The following NUB1 variants were observed in gnomAD, a reference collection of about 807,000 sequenced individuals.
NUB1 encodes the protein NEDD8 ultimate buster 1.
NUB1 carries 41 observed loss-of-function variants against 77.1 expected under a neutral mutation model. That is an observed-to-expected ratio of 0.53 (90% confidence interval 0.41 to 0.69). The LOEUF (loss-of-function observed/expected upper bound fraction) is 0.69, where lower values mean the gene tolerates loss of function less well. Among genes scored for constraint, NUB1 ranks in the 30% least tolerant of loss-of-function variants. NUB1 has a pLI of 0.00. For synonymous variants in NUB1, 257 were observed against 281.0 expected (o/e 0.91, Z 0.85); for missense variants, 643 against 743.8 (o/e 0.86, Z 1.58).
rs1005342806 is a variant in NUB1, at chr7:151,351,342, G to A, written c.286-82G>A. 121 of 1,036,414 alleles carry A rather than the reference G, an allele frequency of 1.2e-4. 1 individual carries two copies. The highest frequency in any genetic ancestry group is 7.0e-4 in the Middle Eastern group (3 of 4,272). The allele number at this position is 1,036,414 out of a possible 1,614,324, so 64.2% of individuals were successfully genotyped here. On this transcript the variant is annotated intron_variant, in intron 3 of 14. Coordinates refer to ENST00000568733, the MANE Select transcript of NUB1 (RefSeq NM_001243351.2). ...GTGAACTCAGTTTATATCCTCTGCCGTCAGCTTTTCTGATTTCACAGGGTA... is the reference window on the plus strand; with the variant it reads ...GTGAACTCAGTTTATATCCTCTGCCATCAGCTTTTCTGATTTCACAGGGTA...
intron 13 of NUB1, chr7:151,376,312 A>T: frequency 2.1e-6 from 1 of 477,636 alleles, no homozygotes; most frequent in South Asian, 2.5e-5. Context: ...TTGTGCCCCT[A>T]CACGCGTTAG....
At chr7:151,344,180 CAAAAAAAAAAAAAA>C (rs561127147) in intron 1 of NUB1, among the ~76,000 whole-genome samples, 852 of 45,616 alleles carry the variant, frequency 0.019, 16 homozygotes, top group African/African-American at 0.049. Flanking sequence ...GACTCCCTCT[CAAAAAAAAAAAAAA>C]AAAAAAAAAA....
chr7:151,369,751 G>A (rs1797874242), intron 11 of NUB1, among the ~76,000 whole-genome samples: 2 of 152,132 alleles, frequency 1.3e-5, no homozygotes, highest in African/African-American at 4.8e-5. Context: ...TTATCTCACA[G>A]GTCCTTTCTA....
Position 151,367,951 on chromosome 7 carries a change from T to C in NUB1, c.1078T>C (p.Tyr360His), listed in dbSNP as rs762332598. The change falls in exon 10 of 15, where the codon TAT (tyrosine) becomes CAT (histidine). Residue 360 changes from tyrosine to histidine, a missense_variant. By Grantham distance (83) the Tyr-to-His change is moderately conservative. Transcript: ENST00000568733. ...NYHSGNDVEA[Y>H]EYLNKARQLF... ...TCACAGTGGAAATGATGTAGAGGCT[T>C]ATGAGTATCTTAACAAGGTAAGAAA... The C allele has an allele frequency of 1.1e-5, 18 of 1,579,924 alleles. No homozygotes were observed. The highest frequency in any genetic ancestry group is 1.8e-5 in the Admixed American group (1 of 55,652).
At chr7:151,345,568 C>A in intron 2 of NUB1, 102 bp downstream of exon 2, 1 of 654,290 alleles carries the variant, frequency 1.5e-6, no homozygotes, top group South Asian at 2.2e-5. Flanking sequence ...TTTGGCATAA[C>A]CAAAAGCATT....
chr7:151,344,954 C>T (rs866013061), intron 1 of NUB1, among the ~76,000 whole-genome samples: 10 of 152,136 alleles, frequency 6.6e-5, no homozygotes, highest in Non-Finnish European at 1.3e-4. Flanking sequence ...GAGCCGAGAT[C>T]GCACCACTGC....
chr7:151,366,478 A>G (rs75978730), intron 8 of NUB1, among the ~76,000 whole-genome samples: 2,346 of 151,768 alleles, frequency 0.015, 71 homozygotes, highest in African/African-American at 0.054. Context: ...CAACCCCCAG[A>G]AATTTCTGTT....
Position 151,356,978 on chromosome 7 carries a change from A to G in NUB1, c.693+756A>G, listed in dbSNP as rs149567868. On this transcript the variant is annotated intron_variant, in intron 7 of 14. Transcript: ENST00000568733. ...GTGATTTGCCCACCTTGGCCTCCCAAACTGCTGGGATTACAGGCGTGAGCC... is the reference window on the plus strand; with the variant it reads ...GTGATTTGCCCACCTTGGCCTCCCAGACTGCTGGGATTACAGGCGTGAGCC... Among the ~76,000 whole-genome samples, 23 of 152,104 alleles carry G rather than the reference A, an allele frequency of 1.5e-4. No individual in the cohort carries two copies. In the East Asian group the frequency reaches 3.5e-3, roughly 23 times the overall value.
chr7:151,341,993 G>A, intron 1 of NUB1, 147 bp downstream of exon 1: 1 of 1,246,542 alleles, frequency 8.0e-7, no homozygotes, highest in Non-Finnish European at 1.0e-6. Context: ...GAGCTGGGCC[G>A]GGGCCGGGGC....
intron 7 of NUB1, among the ~76,000 whole-genome samples, chr7:151,357,699 TC>T (rs1477224714): frequency 6.6e-6 from 1 of 151,372 alleles, no homozygotes; most frequent in Non-Finnish European, 1.5e-5. Flanking sequence ...AGCCTTCGCC[TC>T]CCTGGTTCAA....
In NUB1 at chr7:151,349,206, C is replaced by T; in HGVS notation, c.251C>T (p.Thr84Ile). Residue 84 changes from threonine (T) to isoleucine (I), a missense_variant, in exon 3 of 15, where the codon ACA (threonine) becomes ATA (isoleucine). Physicochemically the swap from Thr to Ile is moderately conservative, Grantham distance 89. Coordinates refer to ENST00000568733, the MANE Select transcript of NUB1 (RefSeq NM_001243351.2). ...NDNYRTTGIA[T>I]IEVFLPPRLK... ...AATTATAGAACAACGGGAATTGCTA[C>T]AATCGAGGTGTTTTTACCACCAAGA... 6.2e-7 allele frequency: 1 copy of T among 1,612,276 alleles called. No individual in the cohort carries two copies.
At chr7:151,346,288 T>C (rs914653572) in intron 2 of NUB1, among the ~76,000 whole-genome samples, 6 of 152,246 alleles carry the variant, frequency 3.9e-5, no homozygotes, top group Admixed American at 3.9e-4. Context: ...CTGAATTTAT[T>C]GTTACAGTCT....
At chr7:151,355,045 G>T (rs1797000247) in intron 5 of NUB1, among the ~76,000 whole-genome samples, 1 of 140,908 alleles carries the variant, frequency 7.1e-6, no homozygotes, top group South Asian at 2.7e-4. Flanking sequence ...CGCCCTGCTG[G>T]TCTTTGCTTT....
At chr7:151,349,026 C>CT (rs372865814) in intron 2 of NUB1, 47 bp from the exon 3 acceptor site, 29,406 of 1,076,448 alleles carry the variant, frequency 0.027, 2 homozygotes, top group Non-Finnish European at 0.029. Flanking sequence ...TATATTTTGC[C>CT]TTTTTTTTTT....
Position 151,356,165 on chromosome 7 carries a change from C to T in NUB1, c.636C>T (p.Tyr212=), listed in dbSNP as rs749093560. The part of the protein sequence containing the change: ...ETVVDPEMTP[Y]LDIANQTGRS... ...TGGTGGATCCAGAAATGACACCGTA[C>T]TTAGACATAGCTAACCAGACAGGCA... The change falls in exon 7 of 15, where the codon TAC becomes TAT. Residue 212 remains tyrosine, a synonymous_variant. Coordinates refer to ENST00000568733, the MANE Select transcript of NUB1 (RefSeq NM_001243351.2). 3.1e-6 allele frequency: 5 copies of T among 1,613,932 alleles called. No homozygotes were observed. Among genetic ancestry groups the T allele is most frequent in the Non-Finnish European group, 4.2e-6 (5 of 1,179,824 alleles).
intron 2 of NUB1, 122 bp downstream of exon 2, chr7:151,345,588 C>A: frequency 1.9e-6 from 1 of 523,478 alleles, no homozygotes. Context: ...TAGTGGTGAG[C>A]GGGTACCCAC....
intron 8 of NUB1, among the ~76,000 whole-genome samples, chr7:151,363,338 C>G (rs1047977394): frequency 1.2e-4 from 18 of 151,712 alleles, no homozygotes; most frequent in African/African-American, 4.4e-4. Flanking sequence ...AGTACAACAT[C>G]CAAGATGAAA....
chr7:151,349,134 T>C lies in NUB1; in HGVS notation c.179T>C (p.Ile60Thr). 1 of 1,613,460 alleles carries C rather than the reference T, an allele frequency of 6.2e-7. No homozygotes were observed. The highest frequency in any genetic ancestry group is 8.5e-7 in the Non-Finnish European group (1 of 1,179,712). ...TGTGAAAATGAAGTAGAAAAGGTAATAGAAGAAATACGTTGCAAGGCAATT... is the reference window on the plus strand; with the variant it reads ...TGTGAAAATGAAGTAGAAAAGGTAACAGAAGAAATACGTTGCAAGGCAATT... ...ECCENEVEKV[I>T]EEIRCKAIER... The change falls in exon 3 of 15, where the codon ATA becomes ACA. Residue 60 changes from isoleucine (I) to threonine (T), a missense_variant. Physicochemically the swap from Ile to Thr is moderately conservative, Grantham distance 89 (BLOSUM62 -1). Coordinates refer to ENST00000568733, the MANE Select transcript of NUB1 (RefSeq NM_001243351.2).
chr7:151,356,256 A>AG (rs2150679628), intron 7 of NUB1, 34 bp downstream of exon 7: 1 of 1,494,160 alleles, frequency 6.7e-7, no homozygotes, highest in East Asian at 2.3e-5. Context: ...GCCTGTTCTT[A>AG]GATTTGTTGT....
Sources: gnomAD v4.1 joint callset for allele counts (sites outside exome capture counted in the v4.1 genomes callset) on GRCh38, gnomAD v4.1.1 for gene constraint, MANE v1.5 for transcripts, NCBI Gene and HGNC (gene_info 2026-07-23, HGNC 2026-07-21) for gene names.